The following ASGR1 variants were observed in gnomAD, a reference collection of about 807,000 sequenced individuals.
ASGR1 encodes asialoglycoprotein receptor 1.
Under a neutral mutation model 33.1 loss-of-function variants are expected in ASGR1, and 35 were observed. The ratio of observed to expected loss-of-function variants is 1.06; its 90% CI spans 0.81 to 1.40. The LOEUF is 1.40. Among genes scored for constraint, ASGR1 ranks in the 40% most tolerant of loss-of-function variants. ASGR1 has a pLI of 0.00. For synonymous variants in ASGR1, 142 were observed against 152.5 expected (o/e 0.93, Z 0.51); for missense variants, 396 against 373.7 (o/e 1.06, Z -0.49).
intron 5 of ASGR1, chr17:7,176,492 C>G: frequency 2.2e-6 from 1 of 448,794 alleles, no homozygotes; most frequent in Non-Finnish European, 4.1e-6. Context: ...CACTCTATCT[C>G]ATTCTCACAC....
chr17:7,176,656 C>T lies in ASGR1; in HGVS notation c.355+174G>A, dbSNP rs1416974471. The T allele has an allele frequency of 1.3e-5, 11 of 867,040 alleles. No individual in the cohort carries two copies. In the Admixed American group the frequency reaches 1.4e-4, roughly 11 times the overall value. 53.7% of individuals were successfully genotyped at this position (867,040 alleles called of 1,614,324 possible). A position where few individuals can be genotyped will look rare whatever the true frequency, so the allele number is the denominator to read the frequency against. On this transcript the variant is annotated intron_variant, in intron 5 of 8. Coordinates refer to ENST00000269299, the MANE Select transcript of ASGR1 (RefSeq NM_001671.5). ...CTCATTCTCACATCCACACAAGGCT[C>T]TCATACACACACCCAAAACACACTC...
chr17:7,174,498 G>C (rs757753932), intron 5 of ASGR1, 38 bp from the exon 6 acceptor site: 2 of 1,590,230 alleles, frequency 1.3e-6, no homozygotes, highest in Non-Finnish European at 1.7e-6. Context: ...GAGGAGATGC[G>C]GAAACCACGG....
At chr17:7,177,660 C>A (rs543359047) in intron 2 of ASGR1, 104 of 261,268 alleles carry the variant, frequency 4.0e-4, no homozygotes, top group African/African-American at 2.1e-3. Context: ...AATTGAGTGG[C>A]CCGCGCCTCG....
chr17:7,176,106 TCA>T (rs534181368), intron 5 of ASGR1, among the ~76,000 whole-genome samples: 10 of 148,538 alleles, frequency 6.7e-5, no homozygotes, highest in Admixed American at 6.0e-4. Context: ...ACACTCCCTC[TCA>T]TTCTCACACT....
Position 7,173,966 on chromosome 17 carries a change from G to A in ASGR1, c.696C>T (p.Gly232=). 2 of 1,614,168 alleles carry A rather than the reference G, an allele frequency of 1.2e-6. No individual in the cohort carries two copies. Among genetic ancestry groups the A allele is most frequent in the Non-Finnish European group, 1.7e-6 (2 of 1,179,986 alleles). Residue 232 remains glycine (G), a synonymous_variant, in exon 8 of 9, where the codon GGC becomes GGT. Transcript: ENST00000269299. The surrounding 1 kb of genome is among the most constrained non-coding windows in gnomAD (Gnocchi z 4.7). ...GAGGGAGGGCGCGCACTCACTTGAA[G>A]CCCGTCTCGTAGTCCGTCCCGTCCA... ...KWVDGTDYET[G]FKNWRPEQPD...
At chr17:7,176,112 T>G (rs528077775) in intron 5 of ASGR1, among the ~76,000 whole-genome samples, 2 of 143,022 alleles carry the variant, frequency 1.4e-5, no homozygotes, top group East Asian at 4.3e-4. Context: ...CCTCTCATTC[T>G]CACACTCAGA....
At chr17:7,177,136 C>G in intron 3 of ASGR1, 60 bp from the exon 4 acceptor site, 1 of 1,612,408 alleles carries the variant, frequency 6.2e-7, no homozygotes, top group South Asian at 1.1e-5. Context: ...CACCACTGCA[C>G]CCACCACTCC....
In ASGR1 at chr17:7,177,342, G is replaced by T. The variant is rs770164667; in HGVS notation, c.71-16C>A. 8.7e-6 allele frequency: 14 copies of T among 1,609,336 alleles called. No individual in the cohort carries two copies. The highest frequency in any genetic ancestry group is 4.4e-5 in the South Asian group (4 of 90,910). ...GGAGGTGGCCCTGCAAGAGGAGGGG[G>T]TGTCAGGAGCGCGGGGACAGAGGGG... On this transcript the variant is annotated splice_polypyrimidine_tract_variant and intron_variant, in intron 2 of 8. Transcript: ENST00000269299.
At position 7,176,075 on chromosome 17, in the gene ASGR1, T is replaced by G. The variant is rs558996219; in HGVS notation, c.355+755A>C. ...ACAGACTCACACACCCATCCACTCC[T>G]TCTCATTCTCACACTCACACACACT... is the stretch of plus-strand genomic sequence containing the variant. On this transcript the variant is annotated intron_variant, in intron 5 of 8. Coordinates refer to ENST00000269299, the MANE Select transcript of ASGR1 (RefSeq NM_001671.5). Among the ~76,000 whole-genome samples, 7 of 134,976 alleles carry G rather than the reference T, an allele frequency of 5.2e-5. 1 individual carries two copies. The highest frequency in any genetic ancestry group is 2.2e-4 in the Admixed American group (3 of 13,502). The allele number at this position is 134,976 out of a possible 152,430, so 88.5% of individuals were successfully genotyped here. A position where few individuals can be genotyped will look rare whatever the true frequency, so the allele number is the denominator to read the frequency against.
intron 5 of ASGR1, among the ~76,000 whole-genome samples, chr17:7,176,285 TCA>T (rs1415848114): frequency 1.5e-5 from 2 of 130,430 alleles, no homozygotes; most frequent in African/African-American, 3.2e-5. Context: ...ACACCCCATC[TCA>T]TTCTCACACT....
chr17:7,173,999 C>T lies in ASGR1; in HGVS notation c.663G>A (p.Trp221Ter), dbSNP rs531767592. 4 of 1,614,124 alleles carry T rather than the reference C, an allele frequency of 2.5e-6. No individual in the cohort carries two copies. Among genetic ancestry groups the T allele is most frequent in the Non-Finnish European group, 3.4e-6 (4 of 1,180,028 alleles). ...WMGLHDQNGP[W>*]KWVDGTDYET... Reference sequence around the variant, plus strand: ...CGTAGTCCGTCCCGTCCACCCACTTCCAGGGCCCGTTTTGGTCGTGGAGGC... The same window carrying T: ...CGTAGTCCGTCCCGTCCACCCACTTTCAGGGCCCGTTTTGGTCGTGGAGGC... The change falls in exon 8 of 9, where the codon TGG (tryptophan) becomes TGA (stop). Residue 221 changes from tryptophan to a stop codon, truncating the protein, a stop_gained. Coordinates refer to ENST00000269299, the MANE Select transcript of ASGR1 (RefSeq NM_001671.5). LOFTEE classifies it low-confidence loss of function (END_TRUNC). This position sits in a 1 kb window ranked among gnomAD's most constrained non-coding sequence, Gnocchi z 4.7.
intron 5 of ASGR1, among the ~76,000 whole-genome samples, chr17:7,176,125 CTG>C (rs1410713116): frequency 7.0e-6 from 1 of 143,458 alleles, no homozygotes; most frequent in Non-Finnish European, 1.5e-5. Context: ...CACTCAGACT[CTG>C]TCACACACAC....
rs774383024 is a variant in ASGR1 at position 7,176,780 on chromosome 17, T to C, written c.355+50A>G. ...CACTTTCTCACACACATCCACACAT[T>C]CTCACTCTCTTTCACACACACACAC... On this transcript the variant is annotated intron_variant, in intron 5 of 8. Transcript: ENST00000269299. 12 of 1,580,186 alleles carry C rather than the reference T, an allele frequency of 7.6e-6. No individual in the cohort carries two copies. The East Asian group carries it at 2.7e-4, about 36-fold the overall frequency.
rs200876167 is a variant in ASGR1, at chr17:7,175,828, GACAC to G, written c.355+998_355+1001del. On this transcript the variant is annotated intron_variant, in intron 5 of 8. Coordinates refer to ENST00000269299, the MANE Select transcript of ASGR1 (RefSeq NM_001671.5). ...TCTCATTCTCACAGACACACACTCAGACACACACACCCATCTCATTCTCACACAC... is the reference window on the plus strand; with the variant it reads ...TCTCATTCTCACAGACACACACTCAGACACACCCATCTCATTCTCACACAC... 2.9e-3 allele frequency among the ~76,000 whole-genome samples: 385 copies of G among 132,760 alleles called. 2 individuals are homozygous for G. The highest frequency in any genetic ancestry group is 0.011 in the African/African-American group (367 of 34,472). The allele number at this position is 132,760 out of a possible 152,430, so 87.1% of individuals were successfully genotyped here.
intron 5 of ASGR1, among the ~76,000 whole-genome samples, chr17:7,176,070 A>G (rs542330201): frequency 3.1e-4 from 41 of 132,550 alleles, no homozygotes; most frequent in African/African-American, 1.2e-3. Context: ...ACACCCATCC[A>G]CTCCTTCTCA....
At chr17:7,178,719 TTTTTCTTTTTTTTC>T (rs1462851013) in intron 1 of ASGR1, 131 bp from the exon 2 acceptor site, 52 of 501,020 alleles carry the variant, frequency 1.0e-4, no homozygotes, top group South Asian at 1.7e-4. Flanking sequence ...CTTTCTTTTC[TTTTTCTTTTTTTTC>T]TTTTCTTTTT....
intron 2 of ASGR1, chr17:7,178,109 C>A: frequency 3.7e-6 from 1 of 267,398 alleles, no homozygotes; most frequent in African/African-American, 2.2e-5. Flanking sequence ...CCAAACTGAT[C>A]ACTGACACAC....
intron 2 of ASGR1, chr17:7,177,669 C>T: frequency 4.0e-6 from 1 of 248,350 alleles, no homozygotes; most frequent in Non-Finnish European, 7.8e-6. Flanking sequence ...GCCCGCGCCT[C>T]GGAGTCGCTG....
In ASGR1 at chr17:7,174,472, G is replaced by C. The variant is rs773075195; in HGVS notation, c.356-12C>G. The C allele has an allele frequency of 6.8e-6, 11 of 1,610,296 alleles. No homozygotes were observed. Among genetic ancestry groups the C allele is most frequent in the South Asian group, 4.4e-5 (4 of 90,632 alleles). The stretch of plus-strand genomic sequence containing the variant: ...CAGGCTGGAGTGATCTGGGGAGACC[G>C]GGCGGAGGGGAGCGGGAGGAGATGC... On this transcript the variant is annotated splice_polypyrimidine_tract_variant and intron_variant, in intron 5 of 8. Transcript: ENST00000269299.
Sources: gnomAD v4.1 joint callset for allele counts (sites outside exome capture counted in the v4.1 genomes callset) on GRCh38, gnomAD v4.1.1 for gene constraint, Gnocchi (gnomAD v3.1) non-coding constraint, MANE v1.5 for transcripts, NCBI Gene and HGNC (gene_info 2026-07-23, HGNC 2026-07-21) for gene names.